MINDY3: variants seen among roughly 807,000 people sequenced by gnomAD.
MINDY3 encodes the protein ubiquitin carboxyl-terminal hydrolase MINDY-3.
In MINDY3, 38 loss-of-function variants were observed where a neutral mutation model predicts 69.2. The ratio of observed to expected loss-of-function variants is 0.55; its 90% CI spans 0.42 to 0.72. The LOEUF (loss-of-function observed/expected upper bound fraction) is 0.72. Ranked by LOEUF, MINDY3 falls within the 30% of genes least tolerant of loss-of-function variation. The probability of loss-of-function intolerance (pLI) is 0.00; values close to 1 mark genes in which losing one functional copy is unlikely to be tolerated. For synonymous variants in MINDY3, 192 were observed against 180.1 expected, an observed-to-expected ratio of 1.07 and a Z score of -0.53; for missense variants, 522 against 519.0, an observed-to-expected ratio of 1.01 and a Z score of -0.06.
chr10:15,833,071 G>A (rs532724736), intron 8 of MINDY3, among the ~76,000 whole-genome samples: 5 of 152,198 alleles, frequency 3.3e-5, no homozygotes, highest in East Asian at 1.9e-4. Flanking sequence ...TCTCCTTAAC[G>A]GAATGGATTG....
chr10:15,851,656 A>T (rs1216337519), intron 1 of MINDY3, among the ~76,000 whole-genome samples: 2 of 151,986 alleles, frequency 1.3e-5, no homozygotes, highest in Admixed American at 1.3e-4. Flanking sequence ...AAACCGCTAT[A>T]ATCTTTGACC....
At chr10:15,816,152 T>G (rs1305349960) in intron 10 of MINDY3, among the ~76,000 whole-genome samples, 1 of 150,352 alleles carries the variant, frequency 6.7e-6, no homozygotes, top group East Asian at 2.0e-4. Context: ...TCCCAGCTAC[T>G]CGGGAGGCTG....
At chr10:15,831,092 G>C (rs1156410559) in intron 8 of MINDY3, among the ~76,000 whole-genome samples, 1 of 152,152 alleles carries the variant, frequency 6.6e-6, no homozygotes, top group Non-Finnish European at 1.5e-5. Context: ...AGTGGGCAGA[G>C]GTAAAGTTAG....
chr10:15,853,378 C>T (rs146893857), intron 1 of MINDY3, among the ~76,000 whole-genome samples: 20 of 152,168 alleles, frequency 1.3e-4, no homozygotes, highest in African/African-American at 3.4e-4. Context: ...TTGCCCCTTT[C>T]GCTGTGTTGA....
chr10:15,856,175 T>C (rs529190125), intron 1 of MINDY3, among the ~76,000 whole-genome samples: 2 of 152,192 alleles, frequency 1.3e-5, no homozygotes, highest in Non-Finnish European at 1.5e-5. Context: ...TTTATTACTT[T>C]GATAAAATAG....
intron 10 of MINDY3, among the ~76,000 whole-genome samples, chr10:15,807,262 TG>T (rs1470542193): frequency 1.3e-5 from 2 of 152,148 alleles, no homozygotes; most frequent in African/African-American, 4.8e-5. Flanking sequence ...TGAATGTGTG[TG>T]ACAGTAGGTA....
chr10:15,859,831 GCT>G (rs1332190359), intron 1 of MINDY3, among the ~76,000 whole-genome samples: 1 of 152,158 alleles, frequency 6.6e-6, no homozygotes, highest in Non-Finnish European at 1.5e-5. Flanking sequence ...CCAATAGACA[GCT>G]CTGTTAGGGG....
At chr10:15,796,837 C>T (rs983279805) in intron 10 of MINDY3, among the ~76,000 whole-genome samples, 1 of 152,028 alleles carries the variant, frequency 6.6e-6, no homozygotes, top group Non-Finnish European at 1.5e-5. Flanking sequence ...AAATTGTGTT[C>T]TCTTTGATTC....
chr10:15,801,686 G>T (rs770554056), intron 10 of MINDY3, among the ~76,000 whole-genome samples: 1 of 152,060 alleles, frequency 6.6e-6, no homozygotes, highest in Non-Finnish European at 1.5e-5. Flanking sequence ...AACCGCAACA[G>T]CAAGAACAAC....
At chr10:15,783,375 CACCTTTCTG>C (rs1836702239) in intron 13 of MINDY3, among the ~76,000 whole-genome samples, 1 of 152,180 alleles carries the variant, frequency 6.6e-6, no homozygotes, top group Admixed American at 6.5e-5. Flanking sequence ...TCCAACTACT[CACCTTTCTG>C]AATTCTGTTT....
At chr10:15,790,871 C>T (rs542140155) in intron 11 of MINDY3, among the ~76,000 whole-genome samples, 2 of 152,122 alleles carry the variant, frequency 1.3e-5, no homozygotes, top group Admixed American at 6.6e-5. Flanking sequence ...TTTTCAGGAG[C>T]ACTGACAGCA....
At chr10:15,803,308 T>G (rs1165511244) in intron 10 of MINDY3, among the ~76,000 whole-genome samples, 1 of 152,156 alleles carries the variant, frequency 6.6e-6, no homozygotes, top group Non-Finnish European at 1.5e-5. Flanking sequence ...GGGTTCCTAG[T>G]ATAAAGATCT....
At chr10:15,821,319 G>A (rs958727235) in intron 9 of MINDY3, among the ~76,000 whole-genome samples, 8 of 152,002 alleles carry the variant, frequency 5.3e-5, no homozygotes, top group Non-Finnish European at 2.9e-5. Flanking sequence ...TCTTCGTTAG[G>A]TAATAAAGAA....
intron 6 of MINDY3, among the ~76,000 whole-genome samples, chr10:15,834,857 G>A (rs1213922969): frequency 1.3e-5 from 2 of 151,936 alleles, no homozygotes; most frequent in Admixed American, 6.6e-5. Context: ...AATATGTACC[G>A]TTGGTTAAAA....
chr10:15,797,271 T>G (rs372385549), intron 10 of MINDY3, among the ~76,000 whole-genome samples: 54 of 152,236 alleles, frequency 3.5e-4, no homozygotes, highest in African/African-American at 1.2e-3. Context: ...TGCAAGCCCT[T>G]ACAAGTTTTT....
intron 13 of MINDY3, among the ~76,000 whole-genome samples, chr10:15,786,337 T>C (rs1045603001): frequency 2.0e-5 from 3 of 152,162 alleles, no homozygotes; most frequent in Non-Finnish European, 4.4e-5. Context: ...ATTATGTGTA[T>C]AGACTGGTGT....
chr10:15,830,807 G>A (rs1840404657), intron 8 of MINDY3, among the ~76,000 whole-genome samples: 3 of 152,200 alleles, frequency 2.0e-5, no homozygotes, highest in Non-Finnish European at 2.9e-5. Flanking sequence ...AGATCATAGA[G>A]AGTAAATATT....
At chr10:15,854,473 T>G (rs746655650) in intron 1 of MINDY3, among the ~76,000 whole-genome samples, 2 of 152,026 alleles carry the variant, frequency 1.3e-5, no homozygotes, top group Non-Finnish European at 2.9e-5. Context: ...ATTTTTTGAG[T>G]TGAAGTCCTC....
chr10:15,854,809 G>C (rs971508619), intron 1 of MINDY3, among the ~76,000 whole-genome samples: 29 of 151,962 alleles, frequency 1.9e-4, no homozygotes, highest in African/African-American at 6.8e-4. Context: ...TGGAGAACTG[G>C]AATAGAGAAG....
Sources: gnomAD v4.1 joint callset for allele counts (sites outside exome capture counted in the v4.1 genomes callset) on GRCh38, gnomAD v4.1.1 for gene constraint, MANE v1.5 for transcripts, NCBI Gene and HGNC (gene_info 2026-07-23, HGNC 2026-07-21) for gene names.